TBCD: variants seen among roughly 807,000 people sequenced by gnomAD.
TBCD encodes tubulin-specific chaperone D.
A neutral mutation model predicts 169.3 loss-of-function variants in TBCD; 105 were observed. That is an observed-to-expected ratio of 0.62 (90% confidence interval 0.53 to 0.73). The LOEUF is 0.73. TBCD is among the 30% of genes least tolerant of loss of function. The pLI, the probability that TBCD is intolerant of heterozygous loss-of-function variation, is 0.00. For missense variants in TBCD, 1,444 were observed against 1,600.1 expected, an observed-to-expected ratio of 0.90 and a Z score of 1.66; for synonymous variants, 700 against 643.9, an observed-to-expected ratio of 1.09 and a Z score of -1.32.
chr17:82,837,328 C>T (rs2054074925), intron 13 of TBCD, among the ~76,000 whole-genome samples: 1 of 152,116 alleles, frequency 6.6e-6, no homozygotes, highest in African/African-American at 2.4e-5. Flanking sequence ...TTCTACCAGC[C>T]CGACTTTGTA....
At position 82,927,957 on chromosome 17, in the gene TBCD, C is replaced by G. The variant is rs767921790; in HGVS notation, c.2662C>G (p.Arg888Gly). The G allele has an allele frequency of 8.1e-6, 13 of 1,612,862 alleles. No homozygotes were observed. The highest frequency in any genetic ancestry group is 2.2e-5 in the East Asian group (1 of 44,874). Residue 888 changes from arginine (R) to glycine (G), a missense_variant, in exon 30 of 39, where the codon CGG (arginine) becomes GGG (glycine). Arg to Gly is a moderately radical substitution (Grantham distance 125). Coordinates refer to ENST00000355528, the MANE Select transcript of TBCD (RefSeq NM_005993.5). Reference protein sequence around the residue: ...SLMDLTLLLARSQPELIEAHT... With the variant: ...SLMDLTLLLAGSQPELIEAHT... ...GATGGATCTGACACTTCTGCTGGCT[C>G]GGAGCCAGCCTGAGCTGATCGAGGC... is the stretch of plus-strand genomic sequence containing the variant.
At position 82,768,668 on chromosome 17, in the gene TBCD, A is replaced by T; in HGVS notation, c.582+102A>T. 6 of 1,310,780 alleles carry T rather than the reference A, an allele frequency of 4.6e-6. No homozygotes were observed. In the South Asian group the frequency reaches 8.8e-5, roughly 19 times the overall value. The allele number at this position is 1,310,780 out of a possible 1,614,324, so 81.2% of individuals were successfully genotyped here. A position where few individuals can be genotyped will look rare whatever the true frequency, so the allele number is the denominator to read the frequency against. ...CTCGGTAAGCTTCTGATATGTATTCAACTGCTGTTTTTTTCAGTGGGGTAA... is the reference window on the plus strand; with the variant it reads ...CTCGGTAAGCTTCTGATATGTATTCTACTGCTGTTTTTTTCAGTGGGGTAA... On this transcript the variant is annotated intron_variant, in intron 5 of 38. Transcript: ENST00000355528.
chr17:82,764,392 C>A (rs1004986131), intron 3 of TBCD, among the ~76,000 whole-genome samples: 2 of 152,188 alleles, frequency 1.3e-5, no homozygotes, highest in Non-Finnish European at 1.5e-5. Context: ...TGCCTGTAAT[C>A]CCAGCACTTT....
rs1466002736 is a variant in TBCD at position 82,789,068 on chromosome 17, C to G, written c.771+7347C>G. On this transcript the variant is annotated intron_variant, in intron 7 of 38. Transcript: ENST00000355528. This position sits in a 1 kb window ranked among gnomAD's most constrained non-coding sequence, Gnocchi z 4.8. ...TGGTCCTTTTTAGTTGTAGTGCTCT[C>G]TTGGGGCAAGGTTTTGGATGGAGAA... 6.6e-6 allele frequency among the ~76,000 whole-genome samples: 1 copy of G among 152,190 alleles called. No homozygotes were observed. Among genetic ancestry groups the G allele is most frequent in the Non-Finnish European group, 1.5e-5 (1 of 68,040 alleles).
chr17:82,801,162 G>C (rs1410487710), intron 9 of TBCD, among the ~76,000 whole-genome samples, 166 bp downstream of exon 9: 4 of 150,776 alleles, frequency 2.7e-5, no homozygotes, highest in East Asian at 3.9e-4. Flanking sequence ...ATGGGGTGGG[G>C]AGGCAGGCGC....
chr17:82,882,555 C>T (rs1315527966), intron 14 of TBCD, among the ~76,000 whole-genome samples: 1 of 152,222 alleles, frequency 6.6e-6, no homozygotes, highest in Non-Finnish European at 1.5e-5. Flanking sequence ...GAGAGGAGCG[C>T]AGAGAACATG....
At position 82,756,116 on chromosome 17, in the gene TBCD, G is replaced by C. The variant is rs189532244; in HGVS notation, c.185-49G>C. 3.2e-5 allele frequency: 48 copies of C among 1,515,674 alleles called. No homozygotes were observed. The South Asian group carries it at 4.6e-4, about 15-fold the overall frequency. 93.9% of individuals were successfully genotyped at this position (1,515,674 alleles called of 1,614,324 possible). A position where few individuals can be genotyped will look rare whatever the true frequency, so the allele number is the denominator to read the frequency against. Reference sequence around the variant, plus strand: ...AAAATGGGGTTTCTGAGGCTCATGGGTATGTTTGGCCTAGTGATAATTAAT... The same window carrying C: ...AAAATGGGGTTTCTGAGGCTCATGGCTATGTTTGGCCTAGTGATAATTAAT... On this transcript the variant is annotated intron_variant, in intron 1 of 38. Transcript: ENST00000355528.
chr17:82,795,308 C>T (rs986232714), intron 7 of TBCD, among the ~76,000 whole-genome samples: 2 of 152,168 alleles, frequency 1.3e-5, no homozygotes, highest in Non-Finnish European at 2.9e-5. Context: ...TAGCCCGTTG[C>T]TGAGAGAGAC....
At chr17:82,784,935 G>A (rs1189302545) in intron 7 of TBCD, among the ~76,000 whole-genome samples, 2 of 151,970 alleles carry the variant, frequency 1.3e-5, no homozygotes, top group Admixed American at 6.6e-5. Flanking sequence ...CCATCGCAGC[G>A]ACAGGGGGTC....
intron 16 of TBCD, 42 bp from the exon 17 acceptor site, chr17:82,893,505 A>G: frequency 2.1e-6 from 3 of 1,459,618 alleles, no homozygotes; most frequent in Non-Finnish European, 2.8e-6. Context: ...GCCTTTGTTC[A>G]TTCAAATTCT....
At chr17:82,787,352 G>A (rs1410886707) in intron 7 of TBCD, among the ~76,000 whole-genome samples, 3 of 152,270 alleles carry the variant, frequency 2.0e-5, no homozygotes, top group Non-Finnish European at 4.4e-5. Flanking sequence ...GCAACGCCTG[G>A]CGGGGCCGGG....
rs779617696 is a variant in TBCD, at chr17:82,807,694, C to T, written c.1148+26C>T. On this transcript the variant is annotated intron_variant, in intron 11 of 38. Transcript: ENST00000355528. ...GTAGGTGTCTGTGGCCGCAGAAGCA[C>T]CCCGGGGGGTGGGCCGGCCTCTCCT... 4 of 1,440,726 alleles carry T rather than the reference C, an allele frequency of 2.8e-6. No individual in the cohort carries two copies. The East Asian group carries it at 8.2e-5, about 30-fold the overall frequency. 89.2% of individuals were successfully genotyped at this position (1,440,726 alleles called of 1,614,324 possible). A position where few individuals can be genotyped will look rare whatever the true frequency, so the allele number is the denominator to read the frequency against.
At chr17:82,767,684 C>G (rs961048121) in intron 4 of TBCD, among the ~76,000 whole-genome samples, 1 of 152,064 alleles carries the variant, frequency 6.6e-6, no homozygotes, top group African/African-American at 2.4e-5. Context: ...CGGCCAGGCA[C>G]GGTGGCTCGT....
chr17:82,921,459 T>C, intron 24 of TBCD, 42 bp from the exon 25 acceptor site: 1 of 1,512,918 alleles, frequency 6.6e-7, no homozygotes, highest in Middle Eastern at 1.7e-4. Context: ...GATTTCATGG[T>C]GTTTTTGATT....
intron 7 of TBCD, among the ~76,000 whole-genome samples, chr17:82,784,418 G>A (rs1290123309): frequency 2.0e-5 from 3 of 152,128 alleles, no homozygotes; most frequent in Admixed American, 6.5e-5. Context: ...CATTGCTATC[G>A]TGGAGGTCAG....
chr17:82,825,187 C>T (rs1165810566), intron 13 of TBCD, among the ~76,000 whole-genome samples: 2 of 152,166 alleles, frequency 1.3e-5, no homozygotes, highest in African/African-American at 4.8e-5. Context: ...GCCCCTGCTT[C>T]TCCCTATTTG....
intron 13 of TBCD, among the ~76,000 whole-genome samples, chr17:82,861,286 C>T (rs527731509): frequency 1.3e-3 from 198 of 152,254 alleles, no homozygotes; most frequent in African/African-American, 4.6e-3. Context: ...CCGCAGGTCC[C>T]CGTGAGTCTG....
At chr17:82,865,376 C>T (rs2057094976) in intron 13 of TBCD, 1 of 829,008 alleles carries the variant, frequency 1.2e-6, no homozygotes, top group Non-Finnish European at 1.5e-6. Context: ...CTGAGGGTCC[C>T]TCCACATCCA....
intron 7 of TBCD, among the ~76,000 whole-genome samples, chr17:82,784,909 G>C (rs190088074): frequency 8.6e-4 from 131 of 152,336 alleles, no homozygotes; most frequent in African/African-American, 2.7e-3. Flanking sequence ...CTGTGACTAA[G>C]ACCACTGGAC....
Sources: gnomAD v4.1 joint callset for allele counts (sites outside exome capture counted in the v4.1 genomes callset) on GRCh38, gnomAD v4.1.1 for gene constraint, Gnocchi (gnomAD v3.1) non-coding constraint, MANE v1.5 for transcripts, NCBI Gene and HGNC (gene_info 2026-07-23, HGNC 2026-07-21) for gene names.